The following SCUBE2 variants were observed in gnomAD, a reference collection of about 807,000 sequenced individuals.
The protein encoded by SCUBE2 is signal peptide, CUB and EGF-like domain-containing protein 2.
SCUBE2 carries 114 observed loss-of-function variants against 125.9 expected under a neutral mutation model. That is an observed-to-expected ratio of 0.91 (90% CI 0.78 to 1.06). The LOEUF (loss-of-function observed/expected upper bound fraction) is 1.06. Among genes scored for constraint, SCUBE2 ranks in the 50% least tolerant of loss-of-function variants. SCUBE2 has a pLI of 0.00. For synonymous variants in SCUBE2, 459 were observed against 492.9 expected (o/e 0.93, Z 0.91); for missense variants, 1,255 against 1,301.8 (o/e 0.96, Z 0.55).
intron 17 of SCUBE2, among the ~76,000 whole-genome samples, chr11:9,032,427 A>T (rs1214372058): frequency 6.6e-6 from 1 of 152,140 alleles, no homozygotes; most frequent in East Asian, 1.9e-4. Context: ...TGCCTGGCCT[A>T]AATTTTTCTT....
intron 16 of SCUBE2, among the ~76,000 whole-genome samples, chr11:9,035,960 C>A (rs1245092824): frequency 6.6e-6 from 1 of 152,168 alleles, no homozygotes; most frequent in Non-Finnish European, 1.5e-5. Context: ...GCGATCTCAG[C>A]TCATCGCAAC....
intron 20 of SCUBE2, 81 bp downstream of exon 20, chr11:9,027,283 C>T: frequency 2.2e-6 from 3 of 1,375,294 alleles, no homozygotes; most frequent in Non-Finnish European, 2.0e-6. Flanking sequence ...CTAGGCCTGC[C>T]TCCTCACATT....
Position 9,091,340 on chromosome 11 carries a change from C to T in SCUBE2, c.133+56G>A. The T allele has an allele frequency of 8.1e-7, 1 of 1,232,478 alleles. No individual in the cohort carries two copies. The highest frequency in any genetic ancestry group is 1.0e-6 in the Non-Finnish European group (1 of 978,250). The allele number at this position is 1,232,478 out of a possible 1,614,324, so 76.3% of individuals were successfully genotyped here. A position where few individuals can be genotyped will look rare whatever the true frequency, so the allele number is the denominator to read the frequency against. ...CTCTGGACTCCGCCGGGGACCTAAA[C>T]ACTCTTCCTGGCCCTGCCTGCTGTG... On this transcript the variant is annotated intron_variant, in intron 1 of 22. Transcript: ENST00000649792. This position sits in a 1 kb window ranked among gnomAD's most constrained non-coding sequence, Gnocchi z 8.5.
chr11:9,037,402 A>G (rs899413552), intron 16 of SCUBE2, among the ~76,000 whole-genome samples: 1 of 152,284 alleles, frequency 6.6e-6, no homozygotes, highest in Non-Finnish European at 1.5e-5. Flanking sequence ...ATGAGGATTA[A>G]TGGCGACAAA....
At chr11:9,031,089 A>C in intron 17 of SCUBE2, 164 bp from the exon 18 acceptor site, 1 of 615,778 alleles carries the variant, frequency 1.6e-6, no homozygotes, top group South Asian at 2.1e-5. Flanking sequence ...TCTGACCCTG[A>C]GTCAATGGCA....
rs766660456 is a variant in SCUBE2, at chr11:9,069,488, C to G, written c.525G>C (p.Leu175=). 4 of 1,614,048 alleles carry G rather than the reference C, an allele frequency of 2.5e-6. No homozygotes were observed. Residue 175 remains leucine (L), a synonymous_variant, in exon 5 of 23, where the codon CTG becomes CTC. Coordinates refer to ENST00000649792, the MANE Select transcript of SCUBE2 (RefSeq NM_001367977.2). The part of the protein sequence containing the change: ...HTCIHRSEEG[L]SCMNKDHGCS... ...AGCCGTGATCCTTATTCATGCAGCTCAGGCCCTCTGAAAAACAGCAGTGTG... is the reference window on the plus strand; with the variant it reads ...AGCCGTGATCCTTATTCATGCAGCTGAGGCCCTCTGAAAAACAGCAGTGTG...
intron 16 of SCUBE2, among the ~76,000 whole-genome samples, chr11:9,043,034 C>T (rs1857388822): frequency 2.0e-5 from 3 of 152,152 alleles, no homozygotes; most frequent in Admixed American, 2.0e-4. Context: ...GTAAATCCTC[C>T]AATGGCAGCA....
chr11:9,027,631 G>A lies in SCUBE2; in HGVS notation c.2504-70C>T, dbSNP rs544438061. On this transcript the variant is annotated intron_variant, in intron 19 of 22. Transcript: ENST00000649792. ...CTGTCCTGACCACCGCTAGCTTGCC[G>A]AGCCCCGCAGCACCCCTGTTGCCAC... 95 of 1,366,050 alleles carry A rather than the reference G, an allele frequency of 7.0e-5. No homozygotes were observed. In the East Asian group the frequency reaches 9.3e-4, roughly 13 times the overall value. 84.6% of individuals were successfully genotyped at this position (1,366,050 alleles called of 1,614,324 possible).
intron 1 of SCUBE2, chr11:9,090,492 T>TATTTATCTA (rs55777434): frequency 6.9e-6 from 1 of 145,428 alleles, no homozygotes; most frequent in Non-Finnish European, 1.5e-5. Context: ...TTTATTTATT[T>TATTTATCTA]TTTTTTTTTG....
At chr11:9,059,533 AG>A (rs1564828406) in intron 8 of SCUBE2, 108 bp from the exon 9 acceptor site, 1 of 1,340,492 alleles carries the variant, frequency 7.5e-7, no homozygotes, top group African/African-American at 1.5e-5. Context: ...ATTAAGAAAA[AG>A]ACTCACAAAA....
chr11:9,058,281 AG>A (rs1381017974), intron 9 of SCUBE2, among the ~76,000 whole-genome samples: 1 of 152,120 alleles, frequency 6.6e-6, no homozygotes. Flanking sequence ...TGGCCAACAC[AG>A]TGAAACCCTG....
chr11:9,033,632 A>T lies in SCUBE2; in HGVS notation c.2167T>A (p.Cys723Ser). 2 of 1,613,788 alleles carry T rather than the reference A, an allele frequency of 1.2e-6. No individual in the cohort carries two copies. The highest frequency in any genetic ancestry group is 1.3e-5 in the African/African-American group (1 of 74,998). The change falls in exon 17 of 23, where the codon TGT (cysteine) becomes AGT (serine). Residue 723 changes from cysteine to serine, a missense_variant. Transcript: ENST00000649792. The part of the protein sequence containing the change: ...KTPEAWNMSE[C>S]GGLCQPGEYS... ...GAACAGACAGCATCCTTACCTCCACATTCAGACATATTCCAAGCTTCTGGG... is the reference window on the plus strand; with the variant it reads ...GAACAGACAGCATCCTTACCTCCACTTTCAGACATATTCCAAGCTTCTGGG...
chr11:9,032,808 A>G (rs756479322), intron 17 of SCUBE2, among the ~76,000 whole-genome samples: 4 of 152,226 alleles, frequency 2.6e-5, no homozygotes, highest in Non-Finnish European at 4.4e-5. Flanking sequence ...CCTTGCAGTT[A>G]GTTTTGGAGT....
chr11:9,050,819 C>A, intron 13 of SCUBE2, 109 bp from the exon 14 acceptor site: 1 of 810,232 alleles, frequency 1.2e-6, no homozygotes, highest in Admixed American at 1.8e-5. Context: ...ACACAGCACA[C>A]CCTGAGACCC....
chr11:9,051,248 A>G (rs1232400630), intron 13 of SCUBE2, among the ~76,000 whole-genome samples: 3 of 152,184 alleles, frequency 2.0e-5, no homozygotes, highest in Non-Finnish European at 4.4e-5. Flanking sequence ...CTATCTATCT[A>G]TCTATCTATC....
At chr11:9,029,254 G>A (rs11825760) in intron 19 of SCUBE2, among the ~76,000 whole-genome samples, 5 of 152,224 alleles carry the variant, frequency 3.3e-5, no homozygotes, top group East Asian at 3.9e-4. Context: ...GCATCCATCC[G>A]AGGCTTTGCC....
intron 10 of SCUBE2, 74 bp from the exon 11 acceptor site, chr11:9,053,833 G>A: frequency 6.5e-7 from 1 of 1,547,786 alleles, no homozygotes; most frequent in Non-Finnish European, 8.8e-7. Flanking sequence ...CCTTGAGGAA[G>A]GAGCAGCAGG....
chr11:9,054,701 G>GTGTATATATATATATATATA (rs1303442592), intron 10 of SCUBE2, among the ~76,000 whole-genome samples: 3 of 51,080 alleles, frequency 5.9e-5, no homozygotes, highest in East Asian at 1.4e-3. Context: ...AAGCACTAGT[G>GTGTATATATATATATATATA]TATATATATA....
At chr11:9,077,558 C>G (rs549736753) in intron 3 of SCUBE2, among the ~76,000 whole-genome samples, 1 of 152,174 alleles carries the variant, frequency 6.6e-6, no homozygotes, top group African/African-American at 2.4e-5. Flanking sequence ...TTGAAGGGGT[C>G]ATCCCAGAGA....
Sources: gnomAD v4.1 joint callset for allele counts (sites outside exome capture counted in the v4.1 genomes callset) on GRCh38, gnomAD v4.1.1 for gene constraint, Gnocchi (gnomAD v3.1) non-coding constraint, MANE v1.5 for transcripts, NCBI Gene and HGNC (gene_info 2026-07-23, HGNC 2026-07-21) for gene names.